Variants in GCNT2 observed in about 807,000 individuals in gnomAD.
GCNT2 encodes the protein glucosaminyl (N-acetyl) transferase 2 (I blood group).
In GCNT2, 34 loss-of-function variants were observed where a neutral mutation model predicts 34.2. The ratio of observed to expected loss-of-function variants is 1.00; its 90% confidence interval spans 0.76 to 1.32. GCNT2 has a LOEUF of 1.32. Among genes scored for constraint, GCNT2 ranks in the 40% most tolerant of loss-of-function variants. The pLI is 0.00. For synonymous variants in GCNT2, 212 were observed against 188.0 expected, an observed-to-expected ratio of 1.13 and a Z score of -1.04; for missense variants, 584 against 489.4, an observed-to-expected ratio of 1.19 and a Z score of -1.82.
At chr6:10,616,399 G>A (rs998929098) in intron 3 of GCNT2, among the ~76,000 whole-genome samples, 2 of 152,138 alleles carry the variant, frequency 1.3e-5, no homozygotes, top group Non-Finnish European at 2.9e-5. Context: ...ACAGGGTACC[G>A]CTGTTAGTTT....
chr6:10,549,561 C>CT lies in GCNT2; in HGVS notation c.925+19726dup, dbSNP rs1425642393. Among the ~76,000 whole-genome samples, 52 of 111,312 alleles carry CT rather than the reference C, an allele frequency of 4.7e-4. 1 individual carries two copies. Among genetic ancestry groups the CT allele is most frequent in the South Asian group, 1.4e-3 (5 of 3,618 alleles). 73.0% of individuals were successfully genotyped at this position (111,312 alleles called of 152,430 possible). ...ACTTCCTTTCTCTCTCAATCTCTCT[C>CT]TCTTTTTTTTTTTTTTTTTTTTTTT... is the stretch of plus-strand genomic sequence containing the variant. On this transcript the variant is annotated intron_variant, in intron 3 of 4. Transcript: ENST00000495262.
At chr6:10,528,606 T>C in intron 2 of GCNT2, 25 bp from the exon 3 acceptor site, 1 of 440,638 alleles carries the variant, frequency 2.3e-6, no homozygotes, top group Non-Finnish European at 4.2e-6. Flanking sequence ...TCAGAACCTC[T>C]CTGAGGACAT....
intron 3 of GCNT2, among the ~76,000 whole-genome samples, chr6:10,590,559 A>ATTT (rs200587850): frequency 2.1e-5 from 3 of 142,910 alleles, no homozygotes; most frequent in East Asian, 2.1e-4. Flanking sequence ...ATTTTCACCT[A>ATTT]TTTTTTTTTT....
intron 3 of GCNT2, among the ~76,000 whole-genome samples, chr6:10,538,408 C>CAAAAAAA (rs70991023): frequency 1.2e-4 from 5 of 40,190 alleles, no homozygotes; most frequent in African/African-American, 2.0e-4. Flanking sequence ...GACTCCGTCT[C>CAAAAAAA]AAAAAAAAAA....
chr6:10,597,613 T>TTTG (rs369123126), intron 3 of GCNT2, among the ~76,000 whole-genome samples: 6,762 of 151,874 alleles, frequency 0.045, 499 homozygotes, highest in African/African-American at 0.15. Context: ...TATGAGGGTT[T>TTTG]TTGTTGTTGT....
At chr6:10,582,526 C>T (rs936343924) in intron 3 of GCNT2, among the ~76,000 whole-genome samples, 7,910 of 110,126 alleles carry the variant, frequency 0.072, 429 homozygotes, top group Non-Finnish European at 0.11. Flanking sequence ...TTATATTATA[C>T]ATCATATATT....
intron 3 of GCNT2, among the ~76,000 whole-genome samples, chr6:10,537,714 A>G (rs369758504): frequency 1.0e-5 from 1 of 99,316 alleles, no homozygotes; most frequent in African/African-American, 3.1e-5. Flanking sequence ...AAAAAAAAAA[A>G]AAAAAAAAAA....
chr6:10,535,553 T>G (rs533476150), intron 3 of GCNT2, among the ~76,000 whole-genome samples: 2 of 152,220 alleles, frequency 1.3e-5, no homozygotes, highest in Non-Finnish European at 2.9e-5. Context: ...TCCTCTGGGT[T>G]GGATGGCTCT....
At chr6:10,582,012 A>G (rs556711684) in intron 3 of GCNT2, 94 of 214,938 alleles carry the variant, frequency 4.4e-4, no homozygotes, top group Non-Finnish European at 3.9e-4. Context: ...ATTTATGTGT[A>G]TATATGTATA....
chr6:10,614,237 A>G (rs1303954143), intron 3 of GCNT2, among the ~76,000 whole-genome samples: 1 of 152,168 alleles, frequency 6.6e-6, no homozygotes, highest in South Asian at 2.1e-4. Context: ...TTCCCTAAGC[A>G]AGTTGAACCA....
intron 3 of GCNT2, among the ~76,000 whole-genome samples, chr6:10,574,197 G>T (rs1186252128): frequency 6.6e-6 from 1 of 152,142 alleles, no homozygotes; most frequent in Admixed American, 6.5e-5. Flanking sequence ...GGTGGCATCT[G>T]ACTGCCCTGG....
chr6:10,568,940 T>C (rs1763403781), intron 3 of GCNT2, among the ~76,000 whole-genome samples: 1 of 152,162 alleles, frequency 6.6e-6, no homozygotes, highest in South Asian at 2.1e-4. Context: ...TCTTATTTTT[T>C]CCCAATTTTA....
At chr6:10,544,695 G>A (rs1308159843) in intron 3 of GCNT2, among the ~76,000 whole-genome samples, 1 of 151,816 alleles carries the variant, frequency 6.6e-6, no homozygotes. Context: ...TGTAATAGCA[G>A]CATTTTGGGA....
chr6:10,549,197 C>T lies in GCNT2; in HGVS notation c.925+19361C>T, dbSNP rs111683525. On this transcript the variant is annotated intron_variant, in intron 3 of 4. Coordinates refer to ENST00000495262, the MANE Select transcript of GCNT2 (RefSeq NM_145649.5). ...CCTACAACACACAGCCCTCACAACA[C>T]GGCATTTTTCAGCCCAAAATGCCAA... Among the ~76,000 whole-genome samples, 804 of 152,316 alleles carry T rather than the reference C, an allele frequency of 5.3e-3. 7 individuals are homozygous for T. The highest frequency in any genetic ancestry group is 0.018 in the African/African-American group (747 of 41,566).
At chr6:10,534,222 A>G (rs1226551294) in intron 3 of GCNT2, among the ~76,000 whole-genome samples, 1 of 141,254 alleles carries the variant, frequency 7.1e-6, no homozygotes. Flanking sequence ...GCTCACTGCA[A>G]CCTCCTCCTC....
intron 3 of GCNT2, among the ~76,000 whole-genome samples, chr6:10,591,190 C>T (rs981431155): frequency 6.6e-6 from 1 of 152,194 alleles, no homozygotes; most frequent in Admixed American, 6.5e-5. Context: ...TTTGTGTTCT[C>T]CACCACTACT....
intron 3 of GCNT2, among the ~76,000 whole-genome samples, chr6:10,566,812 A>G (rs1189209176): frequency 6.6e-6 from 1 of 152,208 alleles, no homozygotes; most frequent in Non-Finnish European, 1.5e-5. Context: ...CACGTTTTAT[A>G]TGGGTTTAAA....
chr6:10,570,146 G>A (rs1351239971), intron 3 of GCNT2, among the ~76,000 whole-genome samples: 1 of 152,080 alleles, frequency 6.6e-6, no homozygotes, highest in Non-Finnish European at 1.5e-5. Flanking sequence ...TGTTACTCAG[G>A]CTGGTCTTGA....
intron 3 of GCNT2, among the ~76,000 whole-genome samples, chr6:10,544,342 C>T (rs1219375628): frequency 1.3e-5 from 2 of 150,864 alleles, no homozygotes; most frequent in Admixed American, 1.3e-4. Flanking sequence ...CGGTGGCTCA[C>T]GCCTGTAATC....
Sources: gnomAD v4.1 joint callset for allele counts (sites outside exome capture counted in the v4.1 genomes callset) on GRCh38, gnomAD v4.1.1 for gene constraint, MANE v1.5 for transcripts, NCBI Gene and HGNC (gene_info 2026-07-23, HGNC 2026-07-21) for gene names.